SORCS2: variants seen among roughly 807,000 people sequenced by gnomAD.
The protein encoded by SORCS2 is VPS10 domain-containing receptor SorCS2.
SORCS2 carries 100 observed loss-of-function variants against 141.6 expected under a neutral mutation model. That is an observed-to-expected ratio of 0.71 (90% CI 0.60 to 0.83). SORCS2 has a LOEUF of 0.83. Ranked by LOEUF, SORCS2 falls within the 40% of genes least tolerant of loss-of-function variation. The pLI is 0.00. For synonymous variants in SORCS2, 789 were observed against 676.9 expected (o/e 1.17, Z -2.57); for missense variants, 1,646 against 1,560.2 (o/e 1.05, Z -0.93).
chr4:7,688,317 G>T (rs1724001244), intron 10 of SORCS2, among the ~76,000 whole-genome samples: 1 of 152,282 alleles, frequency 6.6e-6, no homozygotes, highest in Non-Finnish European at 1.5e-5. Flanking sequence ...GAGTCCCAAG[G>T]CTGCCCAGAA....
chr4:7,472,316 G>C (rs182472196), intron 2 of SORCS2, among the ~76,000 whole-genome samples: 4 of 152,202 alleles, frequency 2.6e-5, no homozygotes, highest in Non-Finnish European at 5.9e-5. Flanking sequence ...AGGCTTCTAG[G>C]AGGAGGCAAC....
intron 1 of SORCS2, among the ~76,000 whole-genome samples, chr4:7,326,452 G>A (rs1379678607): frequency 3.3e-5 from 5 of 152,014 alleles, no homozygotes; most frequent in East Asian, 1.9e-4. Context: ...CGCCCCAGCC[G>A]TGGATCTGCC....
intron 2 of SORCS2, among the ~76,000 whole-genome samples, chr4:7,410,019 T>C (rs1267891434): frequency 6.6e-6 from 1 of 152,242 alleles, no homozygotes; most frequent in South Asian, 2.1e-4. Flanking sequence ...CCTCTGACGC[T>C]CACTGATATA....
chr4:7,683,270 GCTC>G (rs1723651174), intron 10 of SORCS2, among the ~76,000 whole-genome samples: 1 of 83,772 alleles, frequency 1.2e-5, no homozygotes, highest in Non-Finnish European at 2.3e-5. Context: ...CCTTGGCTGG[GCTC>G]AGCTGAGCGG....
Position 7,737,070 on chromosome 4 carries a change from A to T in SORCS2, c.3313A>T (p.Lys1105Ter), listed in dbSNP as rs1205339353. 1 of 1,551,196 alleles carries T rather than the reference A, an allele frequency of 6.4e-7. No homozygotes were observed. The highest frequency in any genetic ancestry group is 8.7e-7 in the Non-Finnish European group (1 of 1,146,910). The change falls in exon 26 of 27, where the codon AAA (lysine) becomes TAA (stop). Residue 1105 changes from lysine (K) to a stop codon, truncating the protein, a stop_gained and splice_region_variant. Coordinates refer to ENST00000507866, the MANE Select transcript of SORCS2 (RefSeq NM_020777.3). LOFTEE classifies it high-confidence loss of function. ...GAFILYKFKR[K>*]RPGRTVYAQM... is the part of the protein sequence containing the mutation. ...GCCGCCCTTGCCTCTGTCCAGCAGGAAACGGCCAGGCAGGACCGTGTACGC... is the reference window on the plus strand; with the variant it reads ...GCCGCCCTTGCCTCTGTCCAGCAGGTAACGGCCAGGCAGGACCGTGTACGC...
chr4:7,287,162 G>T (rs1442139652), intron 1 of SORCS2, among the ~76,000 whole-genome samples: 1 of 152,208 alleles, frequency 6.6e-6, no homozygotes, highest in East Asian at 1.9e-4. Flanking sequence ...CCAATGAGGG[G>T]TGCAAAGTGT....
intron 3 of SORCS2, among the ~76,000 whole-genome samples, chr4:7,539,805 C>T (rs1235629778): frequency 6.9e-6 from 1 of 145,444 alleles, no homozygotes; most frequent in East Asian, 2.2e-4. Flanking sequence ...CTGCCTCCTT[C>T]CTGCTGTGGA....
At chr4:7,668,996 T>C (rs1722653541) in intron 8 of SORCS2, among the ~76,000 whole-genome samples, 2 of 152,146 alleles carry the variant, frequency 1.3e-5, no homozygotes, top group African/African-American at 2.4e-5. Context: ...TGGCTATAAG[T>C]CATGACCTCT....
At chr4:7,706,064 G>GGATGAGGCTGGGCTCTGCCTGGACAGA (rs1560498516) in intron 14 of SORCS2, among the ~76,000 whole-genome samples, 1 of 143,660 alleles carries the variant, frequency 7.0e-6, no homozygotes, top group Non-Finnish European at 1.6e-5. Flanking sequence ...GCCTGGGCAG[G>GGATGAGGCTGGGCTCTGCCTGGACAGA]GATGAGGCTG....
At chr4:7,290,669 G>T (rs1252988373) in intron 1 of SORCS2, among the ~76,000 whole-genome samples, 1 of 152,200 alleles carries the variant, frequency 6.6e-6, no homozygotes, top group African/African-American at 2.4e-5. Flanking sequence ...CCTCATCCAT[G>T]TATGCACACA....
At chr4:7,311,297 A>G (rs1718170701) in intron 1 of SORCS2, among the ~76,000 whole-genome samples, 1 of 152,036 alleles carries the variant, frequency 6.6e-6, no homozygotes, top group Non-Finnish European at 1.5e-5. Context: ...ACAGACCACA[A>G]TTTGCTTATC....
At chr4:7,570,403 G>A (rs533786215) in intron 3 of SORCS2, among the ~76,000 whole-genome samples, 12 of 152,342 alleles carry the variant, frequency 7.9e-5, no homozygotes, top group South Asian at 2.1e-4. Flanking sequence ...GGCTGCTTCC[G>A]GGTGGGCCCT....
At chr4:7,446,450 T>C (rs552751364) in intron 2 of SORCS2, among the ~76,000 whole-genome samples, 1 of 152,150 alleles carries the variant, frequency 6.6e-6, no homozygotes, top group East Asian at 1.9e-4. Context: ...AGGGTCATCA[T>C]TGAGTATTTG....
At chr4:7,356,626 C>T (rs930465190) in intron 1 of SORCS2, among the ~76,000 whole-genome samples, 3 of 152,184 alleles carry the variant, frequency 2.0e-5, no homozygotes, top group Admixed American at 6.5e-5. Context: ...CTCCAAATAC[C>T]GTTACACTGG....
chr4:7,696,002 G>T (rs1724686212), intron 11 of SORCS2, among the ~76,000 whole-genome samples: 1 of 152,014 alleles, frequency 6.6e-6, no homozygotes, highest in Non-Finnish European at 1.5e-5. Context: ...GTGGGTGAGT[G>T]GGTAGATGGG....
intron 14 of SORCS2, among the ~76,000 whole-genome samples, chr4:7,709,042 C>T (rs1306399838): frequency 1.3e-5 from 2 of 152,330 alleles, no homozygotes; most frequent in Non-Finnish European, 2.9e-5. Flanking sequence ...CTGCCTTTTC[C>T]TGCAGCTGCA....
chr4:7,457,725 C>G (rs1299614682), intron 2 of SORCS2, among the ~76,000 whole-genome samples: 1 of 152,274 alleles, frequency 6.6e-6, no homozygotes, highest in Non-Finnish European at 1.5e-5. Flanking sequence ...GGCCAGAGGG[C>G]CTGGTTCACA....
chr4:7,668,055 C>T (rs1393113266), intron 8 of SORCS2, among the ~76,000 whole-genome samples: 2 of 152,202 alleles, frequency 1.3e-5, no homozygotes, highest in African/African-American at 4.8e-5. Flanking sequence ...GCTTCCCTTC[C>T]TCCACATTTA....
intron 1 of SORCS2, among the ~76,000 whole-genome samples, chr4:7,395,407 T>A (rs1724146380): frequency 6.6e-6 from 1 of 152,168 alleles, no homozygotes; most frequent in African/African-American, 2.4e-5. Context: ...CATGGGAGTG[T>A]TAGGAACAGC....
Sources: allele counts gnomAD v4.1 joint callset (sites outside exome capture counted in the v4.1 genomes callset), GRCh38; gene constraint gnomAD v4.1.1; transcripts MANE v1.5; gene names NCBI Gene and HGNC (gene_info 2026-07-23, HGNC 2026-07-21).